HPCAL1: variants seen among roughly 807,000 people sequenced by gnomAD.
HPCAL1 encodes hippocalcin like 1.
HPCAL1 carries 8 observed loss-of-function variants against 17.1 expected under a neutral mutation model. The ratio of observed to expected loss-of-function variants is 0.47; its 90% CI spans 0.27 to 0.84. The LOEUF (loss-of-function observed/expected upper bound fraction) is 0.84. Among genes scored for constraint, HPCAL1 ranks in the 40% least tolerant of loss-of-function variants. The pLI, the probability that HPCAL1 is intolerant of heterozygous loss-of-function variation, is 0.13. For missense variants in HPCAL1, 165 were observed against 271.1 expected, an observed-to-expected ratio of 0.61 and a Z score of 2.75; for synonymous variants, 112 against 111.4, an observed-to-expected ratio of 1.01 and a Z score of -0.03.
intron 1 of HPCAL1, among the ~76,000 whole-genome samples, chr2:10,383,232 C>T (rs12692406): frequency 0.53 from 80,475 of 151,956 alleles, 21,788 homozygotes; most frequent in Middle Eastern, 0.61. Context: ...ACTAGCCTGG[C>T]GTGGTGTCAT....
Position 10,419,533 on chromosome 2 carries a change from G to A in HPCAL1, c.-24-201G>A, listed in dbSNP as rs1327315454. Among the ~76,000 whole-genome samples, 2 of 151,870 alleles carry A rather than the reference G, an allele frequency of 1.3e-5. No individual in the cohort carries two copies. The highest frequency in any genetic ancestry group is 4.8e-5 in the African/African-American group (2 of 41,310). On this transcript the variant is annotated intron_variant, in intron 2 of 4. Transcript: ENST00000307845. The surrounding 1 kb of genome is among the most constrained non-coding windows in gnomAD (Gnocchi z 5.0). The stretch of plus-strand genomic sequence containing the variant: ...GTGAGAACGTGTCCCGCAGTGTGAG[G>A]GTGAGCTGTCGTGATATAATTAGAG...
At position 10,385,284 on chromosome 2, in the gene HPCAL1, G is replaced by A. The variant is rs144194199; in HGVS notation, c.-110-11551G>A. Among the ~76,000 whole-genome samples the A allele has an allele frequency of 5.9e-3, 906 of 152,278 alleles. 5 individuals are homozygous for A. The highest frequency in any genetic ancestry group is 0.034 in the Middle Eastern group (10 of 294). ...CCCAGTGGCGTGAGGCTGGCCTGCC[G>A]AGCTTACGTCCCTGGGGGACTCCAG... On this transcript the variant is annotated intron_variant, in intron 1 of 4. Transcript: ENST00000307845.
At chr2:10,347,031 A>G (rs544373630) in intron 1 of HPCAL1, among the ~76,000 whole-genome samples, 175 of 128,552 alleles carry the variant, frequency 1.4e-3, no homozygotes, top group African/African-American at 4.9e-3. Flanking sequence ...TCATCCTCAG[A>G]GGAGCAGAGT....
At chr2:10,369,370 A>T (rs2125506866) in intron 1 of HPCAL1, among the ~76,000 whole-genome samples, 1 of 152,250 alleles carries the variant, frequency 6.6e-6, no homozygotes, top group South Asian at 2.1e-4. Context: ...CCCTTGAGGA[A>T]TTCTCTCGGG....
At chr2:10,400,159 C>G (rs960138561) in intron 2 of HPCAL1, among the ~76,000 whole-genome samples, 1 of 152,152 alleles carries the variant, frequency 6.6e-6, no homozygotes, top group Non-Finnish European at 1.5e-5. Flanking sequence ...GTGCAAAGGG[C>G]CTGTGGCAGA....
Position 10,362,552 on chromosome 2 carries a change from G to A in HPCAL1, c.-110-34283G>A, listed in dbSNP as rs903024354. 6.6e-6 allele frequency among the ~76,000 whole-genome samples: 1 copy of A among 152,198 alleles called. No homozygotes were observed. The highest frequency in any genetic ancestry group is 2.4e-5 in the African/African-American group (1 of 41,446). The stretch of plus-strand genomic sequence containing the variant: ...GGAAAGGAAAGGTGAGCTGGGCGAT[G>A]GGGAAGGCCTCCACGGTGTTCTGTT... On this transcript the variant is annotated intron_variant, in intron 1 of 4. Transcript: ENST00000307845. This position sits in a 1 kb window ranked among gnomAD's most constrained non-coding sequence, Gnocchi z 5.0.
intron 4 of HPCAL1, chr2:10,423,962 G>C (rs755236100): frequency 2.0e-5 from 3 of 153,312 alleles, no homozygotes; most frequent in African/African-American, 7.2e-5. Flanking sequence ...GCGTGGTGGC[G>C]GGCGCCTGTA....
intron 1 of HPCAL1, among the ~76,000 whole-genome samples, chr2:10,335,264 C>T (rs1664646973): frequency 6.6e-6 from 1 of 152,204 alleles, no homozygotes; most frequent in Non-Finnish European, 1.5e-5. Flanking sequence ...CTGCAGCTGC[C>T]AGCTTGGGTG....
intron 2 of HPCAL1, among the ~76,000 whole-genome samples, chr2:10,399,748 G>T (rs539181826): frequency 6.6e-6 from 1 of 152,108 alleles, no homozygotes; most frequent in Admixed American, 6.5e-5. Context: ...ACAGCAGGCC[G>T]CTCCCCGGGC....
At chr2:10,340,236 T>A (rs1442719952) in intron 1 of HPCAL1, among the ~76,000 whole-genome samples, 1 of 152,162 alleles carries the variant, frequency 6.6e-6, no homozygotes, top group African/African-American at 2.4e-5. Flanking sequence ...CGGCTTAACA[T>A]CTCTGATCCC....
intron 1 of HPCAL1, among the ~76,000 whole-genome samples, chr2:10,374,467 G>A (rs141484516): frequency 2.0e-4 from 30 of 152,328 alleles, no homozygotes; most frequent in Middle Eastern, 3.4e-3. Context: ...GGTTTACAGC[G>A]ACAGCTGTTC....
chr2:10,399,451 C>CCACCACCACCACCATCACCATCAT, intron 2 of HPCAL1, among the ~76,000 whole-genome samples: 1 of 106,618 alleles, frequency 9.4e-6, no homozygotes, highest in Non-Finnish European at 2.1e-5. Flanking sequence ...ATCACCATCA[C>CCACCACCACCACCATCACCATCAT]CACCACCACC....
At chr2:10,338,025 A>G (rs1229611608) in intron 1 of HPCAL1, among the ~76,000 whole-genome samples, 1 of 152,204 alleles carries the variant, frequency 6.6e-6, no homozygotes, top group Non-Finnish European at 1.5e-5. Context: ...AGTCAACAGA[A>G]CTGCAGAGAG....
At chr2:10,421,716 C>A (rs1671073792) in intron 3 of HPCAL1, among the ~76,000 whole-genome samples, 1 of 151,910 alleles carries the variant, frequency 6.6e-6, no homozygotes, top group African/African-American at 2.4e-5. Flanking sequence ...AGACCAAAAG[C>A]AAAATAAGAA....
chr2:10,312,120 C>CTCACCATCATCACCATTCTCCA (rs1663007150), intron 1 of HPCAL1, among the ~76,000 whole-genome samples: 1 of 149,734 alleles, frequency 6.7e-6, no homozygotes, highest in Non-Finnish European at 1.5e-5. Flanking sequence ...CACTATCATC[C>CTCACCATCATCACCATTCTCCA]TCACCATCAT....
chr2:10,365,943 C>T lies in HPCAL1; in HGVS notation c.-110-30892C>T, dbSNP rs945490864. On this transcript the variant is annotated intron_variant, in intron 1 of 4. Transcript: ENST00000307845. The surrounding 1 kb of genome is among the most constrained non-coding windows in gnomAD (Gnocchi z 4.8). ...ATACGTGATATAGACCAGGGATGCA[C>T]GCCTCATGAGGAGACGCTCACTCCC... 5.3e-5 allele frequency among the ~76,000 whole-genome samples: 8 copies of T among 152,316 alleles called. No individual in the cohort carries two copies. The highest frequency in any genetic ancestry group is 4.8e-5 in the African/African-American group (2 of 41,566).
At chr2:10,378,762 T>A (rs1667752633) in intron 1 of HPCAL1, among the ~76,000 whole-genome samples, 1 of 152,144 alleles carries the variant, frequency 6.6e-6, no homozygotes, top group African/African-American at 2.4e-5. Flanking sequence ...AGGGAGGAAC[T>A]GGAGAGAGGC....
intron 1 of HPCAL1, among the ~76,000 whole-genome samples, chr2:10,337,358 A>T (rs899643125): frequency 2.6e-5 from 4 of 152,136 alleles, no homozygotes; most frequent in Non-Finnish European, 5.9e-5. Context: ...ACTATTTATT[A>T]TGTCAGCTAG....
chr2:10,322,468 C>A (rs1572634324), intron 1 of HPCAL1, among the ~76,000 whole-genome samples: 3 of 152,300 alleles, frequency 2.0e-5, no homozygotes, highest in Admixed American at 2.0e-4. Flanking sequence ...ATGCTTCCAC[C>A]AAGGGGCTGG....
Sources: allele counts gnomAD v4.1 joint callset (sites outside exome capture counted in the v4.1 genomes callset), GRCh38; gene constraint gnomAD v4.1.1; non-coding constraint Gnocchi (gnomAD v3.1); transcripts MANE v1.5; gene names NCBI Gene and HGNC (gene_info 2026-07-23, HGNC 2026-07-21).